Variants in PDE1B observed in about 807,000 individuals in gnomAD.
PDE1B encodes phosphodiesterase 1B.
A neutral mutation model predicts 66.7 loss-of-function variants in PDE1B; 13 were observed. That is an observed-to-expected ratio of 0.19 (90% CI 0.13 to 0.31). PDE1B has a LOEUF of 0.31. Among genes scored for constraint, PDE1B ranks in the 10% least tolerant of loss-of-function variants. PDE1B has a pLI of 1.00. For missense variants in PDE1B, 485 were observed against 682.3 expected, an observed-to-expected ratio of 0.71 and a Z score of 3.22; for synonymous variants, 230 against 253.9, an observed-to-expected ratio of 0.91 and a Z score of 0.90.
At position 54,578,138 on chromosome 12, in the gene PDE1B, G is replaced by T. The variant is rs1284140796; in HGVS notation, c.*296G>T. 1 of 152,278 alleles carries T rather than the reference G, an allele frequency of 6.6e-6. No individual in the cohort carries two copies. Among genetic ancestry groups the T allele is most frequent in the Non-Finnish European group, 1.5e-5 (1 of 68,084 alleles). 9.4% of individuals were successfully genotyped at this position (152,278 alleles called of 1,614,324 possible). On this transcript the variant is annotated 3_prime_UTR_variant, in exon 16 of 16. Transcript: ENST00000243052. ...TTCATGGCCAGGTGGCTGCCAGGGA[G>T]CGGGGAGCTTCCTGGAGGCTTCCCA...
At position 54,577,092 on chromosome 12, in the gene PDE1B, G is replaced by C. The variant is rs116849898; in HGVS notation, c.1508-133G>C. The C allele has an allele frequency of 8.5e-4, 671 of 784,978 alleles. 4 individuals are homozygous for C. In the East Asian group the frequency reaches 0.012, roughly 14 times the overall value. 48.6% of individuals were successfully genotyped at this position (784,978 alleles called of 1,614,324 possible). ...GCTGGAGAGGCTCTTCCCAAGTGGG[G>C]ATGGGTTGAATGTAGTTCAGCTTGA... On this transcript the variant is annotated intron_variant, in intron 14 of 15. Coordinates refer to ENST00000243052, the MANE Select transcript of PDE1B (RefSeq NM_000924.4).
At chr12:54,576,917 A>C in intron 14 of PDE1B, 1 of 615,546 alleles carries the variant, frequency 1.6e-6, no homozygotes, top group Non-Finnish European at 2.8e-6. Context: ...AGACAGTCAG[A>C]TATTCCACAA....
At position 54,572,865 on chromosome 12, in the gene PDE1B, ACAGAGC is replaced by A; in HGVS notation, c.735+127_735+132del. The A allele has an allele frequency of 4.3e-6, 4 of 940,422 alleles. No homozygotes were observed. In the Middle Eastern group the frequency reaches 1.0e-3, roughly 240 times the overall value. The allele number at this position is 940,422 out of a possible 1,614,324, so 58.3% of individuals were successfully genotyped here. On this transcript the variant is annotated intron_variant, in intron 7 of 15. Transcript: ENST00000243052. ...TCTTCTTGGGCACTCCAAAGCCTTG[ACAGAGC>A]CAAACTGGATTAACTCACTCTAGAG...
chr12:54,552,969 TTGCC>T (rs1957297400), intron 2 of PDE1B, among the ~76,000 whole-genome samples: 1 of 152,268 alleles, frequency 6.6e-6, no homozygotes, highest in Non-Finnish European at 1.5e-5. Flanking sequence ...AGACATTGGT[TTGCC>T]ATCCTCAGCT....
At position 54,575,157 on chromosome 12, in the gene PDE1B, C is replaced by A; in HGVS notation, c.1124C>A (p.Thr375Asn). Residue 375 changes from threonine (T) to asparagine (N), a missense_variant, in exon 11 of 16, where the codon ACC becomes AAC. Around this residue, in one of 4 missense-constraint regions of PDE1B, gnomAD observed 282 missense variants for 453.4 expected, o/e 0.62. Transcript: ENST00000243052. This position sits in a 1 kb window ranked among gnomAD's most constrained non-coding sequence, Gnocchi z 4.0. The part of the protein sequence containing the change: ...LLHAADISHP[T>N]KQWLVHSRWT... Reference sequence around the variant, plus strand: ...CATGCTGCTGACATCAGCCACCCAACCAAGCAGTGGTTGGTCCACAGCCGT... The same window carrying A: ...CATGCTGCTGACATCAGCCACCCAAACAAGCAGTGGTTGGTCCACAGCCGT... The A allele has an allele frequency of 6.2e-7, 1 of 1,613,366 alleles. No individual in the cohort carries two copies. Among genetic ancestry groups the A allele is most frequent in the Non-Finnish European group, 8.5e-7 (1 of 1,179,368 alleles).
chr12:54,570,305 G>A lies in PDE1B; in HGVS notation c.542G>A (p.Arg181Lys), dbSNP rs1957593705. ...CAGGCAGCAGATGACCATGCCCTGA[G>A]GACCATTGTTTTTGAGTTGCTGACT... ...LNQAADDHAL[R>K]TIVFELLTRH... Residue 181 changes from arginine (R) to lysine (K), a missense_variant, in exon 6 of 16, where the codon AGG becomes AAG. Arg to Lys is a conservative substitution (Grantham distance 26, BLOSUM62 2). Coordinates refer to ENST00000243052, the MANE Select transcript of PDE1B (RefSeq NM_000924.4). 1 of 1,613,748 alleles carries A rather than the reference G, an allele frequency of 6.2e-7. No homozygotes were observed. Among genetic ancestry groups the A allele is most frequent in the Non-Finnish European group, 8.5e-7 (1 of 1,179,854 alleles).
intron 2 of PDE1B, among the ~76,000 whole-genome samples, chr12:54,554,886 G>C (rs1385024373): frequency 6.6e-6 from 1 of 152,212 alleles, no homozygotes; most frequent in African/African-American, 2.4e-5. Context: ...GGGAGAGCTT[G>C]CTTTGTGAAG....
At position 54,575,267 on chromosome 12, in the gene PDE1B, C is replaced by T. The variant is rs201703482; in HGVS notation, c.1185+49C>T. The T allele has an allele frequency of 8.1e-5, 127 of 1,561,456 alleles. No individual in the cohort carries two copies. Among genetic ancestry groups the T allele is most frequent in the Non-Finnish European group, 1.1e-4 (124 of 1,134,384 alleles). ...CTGTGCCTATGGGGGCCTTCTCTCC[C>T]CTTTTGCCCTCCAAGTTCCCCAATC... On this transcript the variant is annotated intron_variant, in intron 11 of 15. Transcript: ENST00000243052. The surrounding 1 kb of genome is among the most constrained non-coding windows in gnomAD (Gnocchi z 4.0).
chr12:54,572,535 C>CGGT, intron 6 of PDE1B, 66 bp from the exon 7 acceptor site: 1 of 1,474,670 alleles, frequency 6.8e-7, no homozygotes, highest in Non-Finnish European at 9.4e-7. Flanking sequence ...TTGTTGATCT[C>CGGT]GGTCCGTAAT....
rs1297404605 is a variant in PDE1B, at chr12:54,559,227, C to T, written c.114-7747C>T. Among the ~76,000 whole-genome samples, 2 of 140,810 alleles carry T rather than the reference C, an allele frequency of 1.4e-5. 1 individual carries two copies. The highest frequency in any genetic ancestry group is 4.8e-4 in the South Asian group (2 of 4,156). 92.4% of individuals were successfully genotyped at this position (140,810 alleles called of 152,430 possible). A position where few individuals can be genotyped will look rare whatever the true frequency, so the allele number is the denominator to read the frequency against. On this transcript the variant is annotated intron_variant, in intron 2 of 15. Coordinates refer to ENST00000243052, the MANE Select transcript of PDE1B (RefSeq NM_000924.4). The stretch of plus-strand genomic sequence containing the variant: ...CTTCCCGAGCACCCACCCCTTTACC[C>T]CCACCCACCCCCACCCCTTTACCCC...
At position 54,576,406 on chromosome 12, in the gene PDE1B, G is replaced by A. The variant is rs546379475; in HGVS notation, c.1377-165G>A. ...ATGTGGAGAGGGAGGGGTGAAATGA[G>A]GGGGAGAGGGACAGGGACTTGGGGA... On this transcript the variant is annotated intron_variant, in intron 13 of 15. Transcript: ENST00000243052. 2.8e-5 allele frequency: 20 copies of A among 722,806 alleles called. No homozygotes were observed. In the African/African-American group the frequency reaches 3.2e-4, roughly 12 times the overall value. The allele number at this position is 722,806 out of a possible 1,614,324, so 44.8% of individuals were successfully genotyped here. A position where few individuals can be genotyped will look rare whatever the true frequency, so the allele number is the denominator to read the frequency against.
intron 2 of PDE1B, among the ~76,000 whole-genome samples, chr12:54,552,738 T>G (rs528078563): frequency 6.6e-6 from 1 of 152,200 alleles, no homozygotes; most frequent in African/African-American, 2.4e-5. Flanking sequence ...TTTCTCTAAT[T>G]AAGCAAACTC....
intron 2 of PDE1B, among the ~76,000 whole-genome samples, chr12:54,565,790 G>A (rs1412233727): frequency 6.6e-6 from 1 of 152,110 alleles, no homozygotes; most frequent in Non-Finnish European, 1.5e-5. Flanking sequence ...CAAAGCTGCC[G>A]AGACCCCGGG....
At chr12:54,571,825 TCTGA>T (rs1565702273) in intron 6 of PDE1B, 2 of 152,134 alleles carry the variant, frequency 1.3e-5, no homozygotes, top group African/African-American at 4.8e-5. Flanking sequence ...GATGTTAGGG[TCTGA>T]CTGACTAGTG....
chr12:54,565,441 C>G (rs1957496976), intron 2 of PDE1B, among the ~76,000 whole-genome samples: 1 of 152,204 alleles, frequency 6.6e-6, no homozygotes, highest in Admixed American at 6.5e-5. Context: ...TGGCTCATAG[C>G]CCCTTTCCAG....
In PDE1B at chr12:54,577,281, C is replaced by G. The variant is rs765885379; in HGVS notation, c.1564C>G (p.Pro522Ala). Reference sequence around the variant, plus strand: ...GTCCCCCTGTGAAGAAGAGGCCCCCCCATCCCCTGCCGAAGATGAACACAA... The same window carrying G: ...GTCCCCCTGTGAAGAAGAGGCCCCCGCATCCCCTGCCGAAGATGAACACAA... ...ELSPCEEEAPPSPAEDEHNQN... is the reference protein window; with the variant it reads ...ELSPCEEEAPASPAEDEHNQN... Residue 522 changes from proline to alanine, a missense_variant, in exon 15 of 16, where the codon CCA becomes GCA. Physicochemically the swap from Pro to Ala is conservative, Grantham distance 27. This residue lies in a region of PDE1B where 126 missense variants were observed against 133.8 expected (regional missense o/e 0.94). Coordinates refer to ENST00000243052, the MANE Select transcript of PDE1B (RefSeq NM_000924.4). 8.1e-6 allele frequency: 13 copies of G among 1,613,876 alleles called. No individual in the cohort carries two copies. Among genetic ancestry groups the G allele is most frequent in the African/African-American group, 2.7e-5 (2 of 74,864 alleles).
intron 2 of PDE1B, among the ~76,000 whole-genome samples, chr12:54,557,051 C>T (rs1434634198): frequency 6.6e-6 from 1 of 152,138 alleles, no homozygotes; most frequent in East Asian, 1.9e-4. Context: ...TTCTCTGTGC[C>T]CACCTTGTTT....
chr12:54,572,541 G>A lies in PDE1B; in HGVS notation c.595-60G>A, dbSNP rs140840736. The A allele has an allele frequency of 2.7e-3, 4,004 of 1,508,192 alleles. 9 individuals are homozygous for A. The highest frequency in any genetic ancestry group is 3.2e-3 in the Non-Finnish European group (3,485 of 1,091,796). 93.4% of individuals were successfully genotyped at this position (1,508,192 alleles called of 1,614,324 possible). On this transcript the variant is annotated intron_variant, in intron 6 of 15. Transcript: ENST00000243052. ...TAAAGAAAGTTGTTGATCTCGGTCC[G>A]TAATCACCACCATTCCTGTGGATCC...
At chr12:54,551,897 A>G (rs919484573) in intron 2 of PDE1B, among the ~76,000 whole-genome samples, 2 of 152,162 alleles carry the variant, frequency 1.3e-5, no homozygotes, top group Admixed American at 1.3e-4. Context: ...ATTCTTATTG[A>G]TTAGATCATT....
Sources: gnomAD v4.1 joint callset for allele counts (sites outside exome capture counted in the v4.1 genomes callset) on GRCh38, gnomAD v4.1.1 for gene constraint, gnomAD v4.1.1 regional missense constraint, Gnocchi (gnomAD v3.1) non-coding constraint, MANE v1.5 for transcripts, NCBI Gene and HGNC (gene_info 2026-07-23, HGNC 2026-07-21) for gene names.